The following ODF2L variants were observed in gnomAD, a reference collection of about 807,000 sequenced individuals.
ODF2L encodes the protein outer dense fiber of sperm tails 2 like, also known as protein BCAP.
A neutral mutation model predicts 86.3 loss-of-function variants in ODF2L; 76 were observed. The ratio of observed to expected loss-of-function variants is 0.88; its 90% CI spans 0.73 to 1.07. The LOEUF is 1.07. Ranked by LOEUF, ODF2L falls within the 50% of genes least tolerant of loss-of-function variation. ODF2L has a pLI of 0.00. For synonymous variants in ODF2L, 241 were observed against 231.3 expected, an observed-to-expected ratio of 1.04 and a Z score of -0.38; for missense variants, 748 against 717.4, an observed-to-expected ratio of 1.04 and a Z score of -0.49.
intron 14 of ODF2L, chr1:86,355,373 T>C: frequency 6.5e-7 from 1 of 1,537,286 alleles, no homozygotes; most frequent in Non-Finnish European, 8.8e-7. Flanking sequence ...TTCTTCCCAC[T>C]GCTTCAAAAT....
In ODF2L at chr1:86,371,271, T is replaced by C; in HGVS notation, c.921-118A>G. The C allele has an allele frequency of 8.2e-6, 4 of 490,624 alleles. No homozygotes were observed. The East Asian group carries it at 1.0e-4, about 12-fold the overall frequency. The allele number at this position is 490,624 out of a possible 1,614,324, so 30.4% of individuals were successfully genotyped here. On this transcript the variant is annotated intron_variant, in intron 9 of 17. Coordinates refer to ENST00000317336, the Ensembl canonical transcript of ODF2L. The stretch of plus-strand genomic sequence containing the variant: ...GGTGCATCGTTTCAAATAGGGAATA[T>C]ACAAAAAATAAATAGAACTCATAGA...
intron 7 of ODF2L, among the ~76,000 whole-genome samples, chr1:86,379,728 C>T (rs578225727): frequency 2.2e-4 from 33 of 152,242 alleles, no homozygotes; most frequent in Non-Finnish European, 2.9e-5. Context: ...TAATAAAATA[C>T]TGCTTTATCC....
intron 13 of ODF2L, among the ~76,000 whole-genome samples, 194 bp from the exon 13 acceptor site, chr1:86,356,796 T>C (rs1252687428): frequency 6.6e-6 from 1 of 152,206 alleles, no homozygotes; most frequent in Non-Finnish European, 1.5e-5. Context: ...ACTTTAGTTT[T>C]CAAAAAGTTT....
chr1:86,379,337 C>T (rs922906777), intron 7 of ODF2L, among the ~76,000 whole-genome samples: 5 of 152,174 alleles, frequency 3.3e-5, no homozygotes, highest in African/African-American at 4.8e-5. Flanking sequence ...AAATTTAAAA[C>T]ATATAATCCT....
downstream of ODF2L, chr1:86,349,074 C>A (rs1657956516): frequency 8.5e-6 from 3 of 353,184 alleles, no homozygotes; most frequent in Non-Finnish European, 1.4e-5. Flanking sequence ...CATGGTTGAT[C>A]TTCACTGATA....
rs1038369791 is a variant in ODF2L, at chr1:86,373,565, G to T, written c.811-1025C>A. Among the ~76,000 whole-genome samples the T allele has an allele frequency of 8.6e-5, 13 of 150,412 alleles. No individual in the cohort carries two copies. The South Asian group carries it at 1.3e-3, about 14-fold the overall frequency. ...ATATATGGTGTATATACTATATACT[G>T]TATATATATAGTAGAGACAGCATCT... On this transcript the variant is annotated intron_variant, in intron 8 of 17. Coordinates refer to ENST00000317336, the Ensembl canonical transcript of ODF2L.
At chr1:86,350,762 GTTGTTTCCTGTC>G (rs1658075313) in exon 18 of ODF2L, 1 of 152,154 alleles carries the variant, frequency 6.6e-6, no homozygotes, top group African/African-American at 2.4e-5. Context: ...TCCAGCATCT[GTTGTTTCCTGTC>G]TTTTTAATGA....
At chr1:86,390,313 C>G (rs763723075) in intron 1 of ODF2L, among the ~76,000 whole-genome samples, 1 of 151,970 alleles carries the variant, frequency 6.6e-6, no homozygotes, top group African/African-American at 2.4e-5. Flanking sequence ...CCCAGCTACT[C>G]AGGAGGCTGA....
At chr1:86,361,471 G>A (rs1461156451) in intron 11 of ODF2L, among the ~76,000 whole-genome samples, 1 of 152,156 alleles carries the variant, frequency 6.6e-6, no homozygotes, top group African/African-American at 2.4e-5. Context: ...TCCTTCAAAA[G>A]ACAGTCTACA....
chr1:86,359,737 T>G (rs574892332), intron 12 of ODF2L, among the ~76,000 whole-genome samples: 1 of 152,188 alleles, frequency 6.6e-6, no homozygotes, highest in East Asian at 1.9e-4. Context: ...GTGGCCAGGC[T>G]AGTCTCGAAC....
intron 11 of ODF2L, chr1:86,368,598 G>A (rs759756890): frequency 6.0e-5 from 80 of 1,331,372 alleles, no homozygotes; most frequent in Middle Eastern, 1.9e-4. Context: ...GTGCTGATGA[G>A]GTATAGAGAA....
At chr1:86,394,976 G>C (rs551276741) in intron 1 of ODF2L, among the ~76,000 whole-genome samples, 12 of 151,998 alleles carry the variant, frequency 7.9e-5, no homozygotes, top group Admixed American at 5.2e-4. Context: ...GAGTAGCTGG[G>C]ACTACGGGCG....
chr1:86,348,013 T>C (rs1352929610), downstream of ODF2L: 1 of 152,192 alleles, frequency 6.6e-6, no homozygotes, highest in African/African-American at 2.4e-5. Flanking sequence ...TGTTCCCCTT[T>C]AATCTTTTAT....
chr1:86,388,684 T>C (rs1470106458), intron 1 of ODF2L, among the ~76,000 whole-genome samples: 2 of 152,156 alleles, frequency 1.3e-5, no homozygotes, highest in African/African-American at 4.8e-5. Context: ...ATAGAAATTT[T>C]CAATTTGTAG....
intron 4 of ODF2L, among the ~76,000 whole-genome samples, chr1:86,383,991 A>C (rs1660763891): frequency 6.6e-6 from 1 of 151,848 alleles, no homozygotes; most frequent in Non-Finnish European, 1.5e-5. Context: ...TGCAAAATGT[A>C]CACAACATAA....
chr1:86,377,140 A>G (rs1350554356), intron 7 of ODF2L, among the ~76,000 whole-genome samples: 1 of 152,164 alleles, frequency 6.6e-6, no homozygotes, highest in East Asian at 1.9e-4. Context: ...AAATTGGCCA[A>G]AAAAAAGGGG....
At chr1:86,351,379 G>A (rs1658125720) in exon 18 of ODF2L, 1 of 152,070 alleles carries the variant, frequency 6.6e-6, no homozygotes, top group Non-Finnish European at 1.5e-5. Flanking sequence ...TTTTTCTCAG[G>A]TATGTCAAAC....
At chr1:86,394,724 G>A (rs966330467) in intron 1 of ODF2L, among the ~76,000 whole-genome samples, 1 of 151,446 alleles carries the variant, frequency 6.6e-6, no homozygotes, top group African/African-American at 2.4e-5. Flanking sequence ...GAAATAAGAA[G>A]ATGAAAAAGA....
intron 4 of ODF2L, among the ~76,000 whole-genome samples, chr1:86,384,185 G>T (rs1558055941): frequency 1.3e-5 from 2 of 151,718 alleles, no homozygotes; most frequent in Non-Finnish European, 3.0e-5. Context: ...GGAGTCAGAA[G>T]AATAATTTAG....
Sources: gnomAD v4.1 joint callset for allele counts (sites outside exome capture counted in the v4.1 genomes callset) on GRCh38, gnomAD v4.1.1 for gene constraint, MANE v1.5 for transcripts, NCBI Gene and HGNC (gene_info 2026-07-23, HGNC 2026-07-21) for gene names.